Variants in WWOX observed in about 807,000 individuals in gnomAD.
WWOX encodes WW domain containing oxidoreductase.
A neutral mutation model predicts 46.2 loss-of-function variants in WWOX; 69 were observed. The ratio of observed to expected loss-of-function variants is 1.49; its 90% CI spans 1.23 to 1.82. The LOEUF (loss-of-function observed/expected upper bound fraction) is 1.82. Ranked by LOEUF, WWOX falls within the 40% of genes most tolerant of loss-of-function variation. The pLI is 0.00. For synonymous variants in WWOX, 359 were observed against 202.6 expected (o/e 1.77, Z -6.56); for missense variants, 919 against 542.6 (o/e 1.69, Z -6.89).
chr16:79,093,285 A>G (rs2049001946), intron 8 of WWOX, among the ~76,000 whole-genome samples: 1 of 152,198 alleles, frequency 6.6e-6, no homozygotes, highest in African/African-American at 2.4e-5. Context: ...AACACTAAAT[A>G]CCTGTCTATT....
chr16:78,817,792 A>G (rs189150035), intron 8 of WWOX, among the ~76,000 whole-genome samples: 25 of 152,166 alleles, frequency 1.6e-4, no homozygotes, highest in Non-Finnish European at 2.6e-4. Flanking sequence ...TCTGTCTTGG[A>G]TGGAAAGAGT....
intron 8 of WWOX, among the ~76,000 whole-genome samples, chr16:78,965,943 G>C (rs2046356053): frequency 6.6e-6 from 1 of 152,140 alleles, no homozygotes; most frequent in Non-Finnish European, 1.5e-5. Context: ...GACTCAATTT[G>C]CTCCAAAGTA....
At chr16:79,096,428 C>T (rs922274112) in intron 8 of WWOX, among the ~76,000 whole-genome samples, 2 of 152,090 alleles carry the variant, frequency 1.3e-5, no homozygotes, top group African/African-American at 4.8e-5. Flanking sequence ...TGGGTTCCAG[C>T]TGTGCGGGCC....
At chr16:78,837,970 G>A (rs979613473) in intron 8 of WWOX, among the ~76,000 whole-genome samples, 1 of 152,176 alleles carries the variant, frequency 6.6e-6, no homozygotes, top group African/African-American at 2.4e-5. Context: ...TTTACTTTGT[G>A]TTGTTCCAAA....
At chr16:78,904,180 A>T (rs771873980) in intron 8 of WWOX, among the ~76,000 whole-genome samples, 1 of 151,912 alleles carries the variant, frequency 6.6e-6, no homozygotes, top group East Asian at 1.9e-4. Flanking sequence ...TTAAAGCAGA[A>T]GTTAGCAGTT....
chr16:78,953,293 A>G (rs1370644813), intron 8 of WWOX, among the ~76,000 whole-genome samples: 1 of 144,282 alleles, frequency 6.9e-6, no homozygotes, highest in Non-Finnish European at 1.5e-5. Context: ...CTCAGGCACA[A>G]TTATAGTGGG....
chr16:78,759,846 G>A lies in WWOX; in HGVS notation c.1056+327094G>A, dbSNP rs1006154183. Among the ~76,000 whole-genome samples, 3 of 152,292 alleles carry A rather than the reference G, an allele frequency of 2.0e-5. No homozygotes were observed. The South Asian group carries it at 6.2e-4, about 32-fold the overall frequency. Reference sequence around the variant, plus strand: ...ATCAAAATGTTGGCAGGCCTTAGGGGAGAGTCCATTCCTTTCATCTTCCAG... The same window carrying A: ...ATCAAAATGTTGGCAGGCCTTAGGGAAGAGTCCATTCCTTTCATCTTCCAG... On this transcript the variant is annotated intron_variant, in intron 8 of 8. Transcript: ENST00000566780.
At chr16:78,331,065 G>T (rs1046349777) in intron 5 of WWOX, among the ~76,000 whole-genome samples, 2 of 151,990 alleles carry the variant, frequency 1.3e-5, no homozygotes, top group African/African-American at 4.8e-5. Flanking sequence ...ATTTGTTTCT[G>T]CCCCCCAAAA....
chr16:78,797,747 G>C (rs966303104), intron 8 of WWOX, among the ~76,000 whole-genome samples: 3 of 152,174 alleles, frequency 2.0e-5, no homozygotes, highest in African/African-American at 4.8e-5. Context: ...CAGCACTTTG[G>C]GAGGTCGAGG....
Position 78,546,189 on chromosome 16 carries a change from T to G in WWOX, c.1056+113437T>G, listed in dbSNP as rs113053868. ...TACTATGACAAAGAATGTAAGTTACTAATACAGCTTAGAACAGATGACTCT... is the reference window on the plus strand; with the variant it reads ...TACTATGACAAAGAATGTAAGTTACGAATACAGCTTAGAACAGATGACTCT... On this transcript the variant is annotated intron_variant, in intron 8 of 8. Coordinates refer to ENST00000566780, the MANE Select transcript of WWOX (RefSeq NM_016373.4). Among the ~76,000 whole-genome samples, 41 of 152,306 alleles carry G rather than the reference T, an allele frequency of 2.7e-4. 1 individual carries two copies. Among genetic ancestry groups the G allele is most frequent in the African/African-American group, 9.6e-4 (40 of 41,554 alleles).
intron 8 of WWOX, among the ~76,000 whole-genome samples, chr16:79,009,850 C>T (rs143619567): frequency 2.0e-5 from 3 of 152,124 alleles, no homozygotes; most frequent in Non-Finnish European, 4.4e-5. Context: ...GGGGCTTCGA[C>T]CTCATCTGGG....
rs2032705453 is a variant in WWOX, at chr16:78,115,050, C to T, written c.305C>T (p.Thr102Ile). ...FTVDDNPTKPTTRQRYDGSTT... is the reference protein window; with the variant it reads ...FTVDDNPTKPITRQRYDGSTT... ...GTGGATGATAATCCGACCAAGCCAA[C>T]CACCCGGCAAAGATACGACGGCAGC... is the stretch of plus-strand genomic sequence containing the variant. Residue 102 changes from threonine (T) to isoleucine (I), a missense_variant, in exon 4 of 9, where the codon ACC becomes ATC. By Grantham distance (89) the Thr-to-Ile change is moderately conservative (BLOSUM62 -1). Transcript: ENST00000566780. The T allele has an allele frequency of 1.2e-6, 2 of 1,614,200 alleles. No homozygotes were observed. The highest frequency in any genetic ancestry group is 2.2e-5 in the East Asian group (1 of 44,880).
intron 3 of WWOX, among the ~76,000 whole-genome samples, chr16:78,111,531 T>C (rs1409721074): frequency 6.6e-6 from 1 of 152,152 alleles, no homozygotes; most frequent in African/African-American, 2.4e-5. Flanking sequence ...AACGCCAGTG[T>C]CTGGGAAGAC....
chr16:78,698,530 A>C (rs1176819648), intron 8 of WWOX, among the ~76,000 whole-genome samples: 3 of 152,236 alleles, frequency 2.0e-5, no homozygotes, highest in African/African-American at 7.2e-5. Flanking sequence ...GAGGAGATCT[A>C]GAATAATGTT....
chr16:78,727,698 G>T (rs1036918860), intron 8 of WWOX, among the ~76,000 whole-genome samples: 3 of 152,086 alleles, frequency 2.0e-5, no homozygotes, highest in East Asian at 1.9e-4. Flanking sequence ...ACAACTGAAA[G>T]GCTAATAGTA....
chr16:78,794,036 C>T (rs1079639), intron 8 of WWOX, among the ~76,000 whole-genome samples: 272 of 152,272 alleles, frequency 1.8e-3, no homozygotes, highest in Middle Eastern at 3.4e-3. Flanking sequence ...GATTCAAATC[C>T]TGCTGTGGTC....
intron 8 of WWOX, among the ~76,000 whole-genome samples, chr16:78,999,681 A>G (rs915601465): frequency 1.1e-4 from 16 of 152,164 alleles, no homozygotes; most frequent in Middle Eastern, 3.2e-3. Context: ...GGTGATAAAA[A>G]TGGAGGCCTA....
At chr16:78,351,781 C>T (rs535583532) in intron 5 of WWOX, among the ~76,000 whole-genome samples, 52 of 152,234 alleles carry the variant, frequency 3.4e-4, no homozygotes, top group African/African-American at 5.8e-4. Context: ...CCCAGCCTCC[C>T]GAGTCTCTGG....
In WWOX at chr16:78,109,767, T is replaced by C. The variant is rs370729028; in HGVS notation, c.173-11T>C. 106 of 1,614,186 alleles carry C rather than the reference T, an allele frequency of 6.6e-5. No individual in the cohort carries two copies. In the African/African-American group the frequency reaches 1.2e-3, roughly 18 times the overall value. On this transcript the variant is annotated splice_polypyrimidine_tract_variant and intron_variant, in intron 2 of 8. Coordinates refer to ENST00000566780, the MANE Select transcript of WWOX (RefSeq NM_016373.4). ...CCTGGCACCTGTAGACCTGTCTTTC[T>C]TGTGTTTCAGATTTGCCATACGGAT...
Sources: allele counts gnomAD v4.1 joint callset (sites outside exome capture counted in the v4.1 genomes callset), GRCh38; gene constraint gnomAD v4.1.1; transcripts MANE v1.5; gene names NCBI Gene and HGNC (gene_info 2026-07-23, HGNC 2026-07-21).